Variants in AP3B1 observed in about 807,000 individuals in gnomAD.
AP3B1 encodes the protein AP-3 complex subunit beta-1.
In AP3B1, 61 loss-of-function variants were observed where a neutral mutation model predicts 132.5. The ratio of observed to expected loss-of-function variants is 0.46; its 90% CI spans 0.37 to 0.57. The LOEUF is 0.57. Among genes scored for constraint, AP3B1 ranks in the 20% least tolerant of loss-of-function variants. The probability of loss-of-function intolerance (pLI) is 0.00; values close to 1 mark genes in which losing one functional copy is unlikely to be tolerated. For missense variants in AP3B1, 1,120 were observed against 1,289.4 expected (o/e 0.87, Z 2.01); for synonymous variants, 388 against 438.3 (o/e 0.89, Z 1.43).
intron 7 of AP3B1, among the ~76,000 whole-genome samples, chr5:78,204,535 C>A (rs1481226319): frequency 6.6e-6 from 1 of 152,186 alleles, no homozygotes; most frequent in African/African-American, 2.4e-5. Flanking sequence ...CTTCTCAACT[C>A]CCTTATTCCC....
chr5:78,018,843 G>T (rs1192159379), intron 25 of AP3B1, among the ~76,000 whole-genome samples: 5 of 152,048 alleles, frequency 3.3e-5, no homozygotes, highest in Non-Finnish European at 7.4e-5. Flanking sequence ...GCTCTTACTA[G>T]AGTAGTATAA....
intron 14 of AP3B1, among the ~76,000 whole-genome samples, chr5:78,155,420 T>C (rs1214055235): frequency 1.3e-5 from 2 of 152,292 alleles, no homozygotes; most frequent in East Asian, 1.9e-4. Flanking sequence ...CACCTGATTT[T>C]TGGTTATGAT....
intron 6 of AP3B1, among the ~76,000 whole-genome samples, chr5:78,223,069 A>G (rs1476358956): frequency 7.7e-6 from 1 of 129,530 alleles, no homozygotes; most frequent in Non-Finnish European, 1.6e-5. Flanking sequence ...CATGTTGCCC[A>G]GGATGGTCTC....
At chr5:78,286,440 C>T (rs1749284517) in intron 1 of AP3B1, among the ~76,000 whole-genome samples, 1 of 152,184 alleles carries the variant, frequency 6.6e-6, no homozygotes. Context: ...TGCCCTTCCA[C>T]CTTCTGCCCA....
intron 1 of AP3B1, among the ~76,000 whole-genome samples, chr5:78,292,003 G>A (rs535561929): frequency 2.6e-5 from 4 of 152,192 alleles, no homozygotes; most frequent in South Asian, 4.2e-4. Flanking sequence ...ATATGCATGG[G>A]GAGAGTGAGT....
chr5:78,076,422 G>A (rs1390892941), intron 22 of AP3B1, among the ~76,000 whole-genome samples: 1 of 152,172 alleles, frequency 6.6e-6, no homozygotes, highest in Non-Finnish European at 1.5e-5. Flanking sequence ...CTTAGCTCTT[G>A]AGGGGCGACC....
chr5:78,118,802 T>C (rs927323715), intron 17 of AP3B1, among the ~76,000 whole-genome samples: 5 of 152,218 alleles, frequency 3.3e-5, no homozygotes, highest in African/African-American at 1.2e-4. Context: ...TAAATGTCCC[T>C]GTCTGACAGC....
intron 7 of AP3B1, among the ~76,000 whole-genome samples, chr5:78,200,255 T>A (rs914466262): frequency 6.6e-6 from 1 of 151,728 alleles, no homozygotes; most frequent in African/African-American, 2.4e-5. Flanking sequence ...ACAAGGGGAA[T>A]GGGTGTGTAA....
intron 14 of AP3B1, among the ~76,000 whole-genome samples, chr5:78,153,810 T>C (rs7719729): frequency 6.6e-6 from 1 of 152,130 alleles, no homozygotes; most frequent in African/African-American, 2.4e-5. Context: ...ACAACACTGA[T>C]TGCATACACA....
At chr5:78,219,676 A>C (rs1746101201) in intron 6 of AP3B1, among the ~76,000 whole-genome samples, 1 of 152,066 alleles carries the variant, frequency 6.6e-6, no homozygotes, top group Middle Eastern at 3.2e-3. Flanking sequence ...CTTTAGTAAA[A>C]GAGAAAAGCC....
intron 9 of AP3B1, among the ~76,000 whole-genome samples, chr5:78,176,132 A>G (rs887416453): frequency 5.9e-5 from 9 of 152,318 alleles, no homozygotes; most frequent in Non-Finnish European, 1.0e-4. Context: ...CATCCAAGGA[A>G]GGTATTCTTA....
chr5:78,242,586 T>C (rs1747186343), intron 2 of AP3B1, among the ~76,000 whole-genome samples: 1 of 152,090 alleles, frequency 6.6e-6, no homozygotes, highest in African/African-American at 2.4e-5. Flanking sequence ...TTTGTATTTT[T>C]AGTAGAGACG....
chr5:78,094,710 T>C (rs1012804836), intron 21 of AP3B1, among the ~76,000 whole-genome samples: 1 of 152,092 alleles, frequency 6.6e-6, no homozygotes, highest in African/African-American at 2.4e-5. Context: ...TAGTGGAATA[T>C]CACTCTGTCA....
At chr5:78,034,290 G>A in intron 24 of AP3B1, 71 bp downstream of exon 24, 3 of 1,192,384 alleles carry the variant, frequency 2.5e-6, no homozygotes, top group Non-Finnish European at 1.3e-6. Context: ...CACAAAAGCT[G>A]TTGAAAGCTT....
chr5:78,020,050 G>A (rs144071471), intron 25 of AP3B1, among the ~76,000 whole-genome samples: 1,908 of 152,028 alleles, frequency 0.013, 38 homozygotes, highest in African/African-American at 0.043. Context: ...AAACCACCTC[G>A]TTTTTATTAG....
intron 17 of AP3B1, among the ~76,000 whole-genome samples, chr5:78,121,534 A>C (rs1752195250): frequency 6.6e-6 from 1 of 152,238 alleles, no homozygotes; most frequent in African/African-American, 2.4e-5. Context: ...TCCCACAGAA[A>C]TACAAACTAC....
chr5:78,081,138 A>G (rs1749982115), intron 22 of AP3B1, among the ~76,000 whole-genome samples: 1 of 152,130 alleles, frequency 6.6e-6, no homozygotes, highest in Non-Finnish European at 1.5e-5. Flanking sequence ...AAAGAAGAGA[A>G]GGCAAAGAAC....
At chr5:78,130,656 TGAG>T (rs1752646700) in intron 15 of AP3B1, among the ~76,000 whole-genome samples, 1 of 152,016 alleles carries the variant, frequency 6.6e-6, no homozygotes, top group Non-Finnish European at 1.5e-5. Flanking sequence ...ATTCACCAAA[TGAG>T]GAATACAATT....
intron 7 of AP3B1, among the ~76,000 whole-genome samples, chr5:78,194,422 C>T (rs540052303): frequency 1.3e-5 from 2 of 152,224 alleles, no homozygotes; most frequent in African/African-American, 4.8e-5. Context: ...AGAAATGAGG[C>T]ATTATCATAC....
Sources: allele counts gnomAD v4.1 joint callset (sites outside exome capture counted in the v4.1 genomes callset), GRCh38; gene constraint gnomAD v4.1.1; transcripts MANE v1.5; gene names NCBI Gene and HGNC (gene_info 2026-07-23, HGNC 2026-07-21).